Variants in PPP6R2 observed in about 807,000 individuals in gnomAD.
PPP6R2 encodes serine/threonine-protein phosphatase 6 regulatory subunit 2.
A neutral mutation model predicts 100.2 loss-of-function variants in PPP6R2; 62 were observed. The observed-to-expected ratio is 0.62, with a 90% confidence interval of 0.50 to 0.76. The LOEUF is 0.76. PPP6R2 is among the 30% of genes least tolerant of loss of function. PPP6R2 has a pLI of 0.00. For synonymous variants in PPP6R2, 525 were observed against 514.7 expected, an observed-to-expected ratio of 1.02 and a Z score of -0.27; for missense variants, 1,142 against 1,276.3, an observed-to-expected ratio of 0.89 and a Z score of 1.60.
At chr22:50,437,962 C>A in intron 17 of PPP6R2, 62 bp downstream of exon 17, 1 of 1,561,676 alleles carries the variant, frequency 6.4e-7, no homozygotes, top group South Asian at 1.1e-5. Flanking sequence ...AGGCCATGCC[C>A]ATGGCTCGGT....
chr22:50,427,732 GTTT>G (rs140946646), intron 10 of PPP6R2, among the ~76,000 whole-genome samples: 1 of 147,758 alleles, frequency 6.8e-6, no homozygotes, highest in African/African-American at 2.5e-5. Flanking sequence ...GTTTTGTTTT[GTTT>G]TTTTTGAGAC....
chr22:50,353,720 TG>T (rs1220371550), intron 1 of PPP6R2, among the ~76,000 whole-genome samples: 3 of 152,058 alleles, frequency 2.0e-5, no homozygotes, highest in Non-Finnish European at 4.4e-5. Flanking sequence ...ACGCCTGTGT[TG>T]TTTTCCATTT....
Position 50,371,705 on chromosome 22 carries a change from T to G in PPP6R2, c.-147-315T>G, listed in dbSNP as rs533805398. Among the ~76,000 whole-genome samples the G allele has an allele frequency of 1.4e-4, 21 of 152,222 alleles. No individual in the cohort carries two copies. The South Asian group carries it at 1.9e-3, about 14-fold the overall frequency. ...CCCAGGCTGGAGTGCAGTGGCATGA[T>G]CTCAGCTCACTGCAACCTCTGCCTC... On this transcript the variant is annotated intron_variant, in intron 1 of 23. Coordinates refer to ENST00000612753, the MANE Select transcript of PPP6R2 (RefSeq NM_001242898.2).
chr22:50,434,415 G>A (rs2063744562), intron 12 of PPP6R2, among the ~76,000 whole-genome samples: 1 of 78,032 alleles, frequency 1.3e-5, no homozygotes, highest in Admixed American at 1.2e-4. Context: ...CGGGGGCGCG[G>A]ACGCTGGGCA....
At chr22:50,354,235 G>A (rs760712788) in intron 1 of PPP6R2, among the ~76,000 whole-genome samples, 24 of 152,166 alleles carry the variant, frequency 1.6e-4, no homozygotes, top group Non-Finnish European at 3.1e-4. Flanking sequence ...AACCCAGAAG[G>A]TGGAGATTGT....
chr22:50,402,257 C>T lies in PPP6R2; in HGVS notation c.228-4432C>T, dbSNP rs1361713347. Among the ~76,000 whole-genome samples the T allele has an allele frequency of 2.6e-5, 4 of 152,020 alleles. No homozygotes were observed. The East Asian group carries it at 7.7e-4, about 29-fold the overall frequency. ...TTCCCAGAAAAGAATCCTTCTAGCT[C>T]TCCCCTGTGGGGAATGGACCTGTCA... On this transcript the variant is annotated intron_variant, in intron 3 of 23. Coordinates refer to ENST00000612753, the MANE Select transcript of PPP6R2 (RefSeq NM_001242898.2).
chr22:50,370,498 A>T (rs775457274), intron 1 of PPP6R2, among the ~76,000 whole-genome samples: 2 of 151,542 alleles, frequency 1.3e-5, no homozygotes, highest in Admixed American at 6.6e-5. Context: ...TATGTTGGCC[A>T]GACTGGTCTC....
At chr22:50,360,497 G>A (rs1294830944) in intron 1 of PPP6R2, among the ~76,000 whole-genome samples, 2 of 151,972 alleles carry the variant, frequency 1.3e-5, no homozygotes, top group Non-Finnish European at 2.9e-5. Flanking sequence ...TGAGTTGCTA[G>A]GACTGCAAGT....
chr22:50,436,997 C>G lies in PPP6R2; in HGVS notation c.1612C>G (p.His538Asp). Residue 538 changes from histidine to aspartate, a missense_variant, in exon 15 of 24, where the codon CAC (histidine) becomes GAC (aspartate). Around this residue, in one of 2 missense-constraint regions of PPP6R2, gnomAD observed 592 missense variants for 758.9 expected, o/e 0.78. Coordinates refer to ENST00000612753, the MANE Select transcript of PPP6R2 (RefSeq NM_001242898.2). ...RRNTVDLVST[H>D]HLHSSSEDED... Reference sequence around the variant, plus strand: ...CTGGCCTGTGTTTTAGGTGAGCACTCACCACCTTCACTCCTCAAGTGAGGA... The same window carrying G: ...CTGGCCTGTGTTTTAGGTGAGCACTGACCACCTTCACTCCTCAAGTGAGGA... 1 of 1,556,846 alleles carries G rather than the reference C, an allele frequency of 6.4e-7. No individual in the cohort carries two copies. Among genetic ancestry groups the G allele is most frequent in the Non-Finnish European group, 8.7e-7 (1 of 1,150,306 alleles).
chr22:50,428,027 A>G (rs937178115), intron 10 of PPP6R2, among the ~76,000 whole-genome samples: 2 of 149,664 alleles, frequency 1.3e-5, no homozygotes, highest in Non-Finnish European at 3.0e-5. Context: ...GCCAATTTTT[A>G]TATTTTTAGT....
chr22:50,403,333 C>G (rs531327328), intron 3 of PPP6R2, among the ~76,000 whole-genome samples: 4 of 152,352 alleles, frequency 2.6e-5, no homozygotes, highest in African/African-American at 9.6e-5. Context: ...CTTCCTCCCC[C>G]TGCCCAGCTC....
chr22:50,410,378 T>A (rs767133304), intron 4 of PPP6R2, among the ~76,000 whole-genome samples: 1 of 152,184 alleles, frequency 6.6e-6, no homozygotes, highest in East Asian at 1.9e-4. Context: ...TTCTCAGAAA[T>A]ACACTGCAGT....
chr22:50,380,317 C>T (rs1940206976), intron 2 of PPP6R2, among the ~76,000 whole-genome samples: 1 of 151,622 alleles, frequency 6.6e-6, no homozygotes, highest in South Asian at 2.1e-4. Flanking sequence ...GTGATCCACC[C>T]GCCTCAGCCT....
chr22:50,337,511 GGGGT>G, the PPP6R2 span, among the ~76,000 whole-genome samples: 2 of 143,748 alleles, frequency 1.4e-5, no homozygotes, highest in Non-Finnish European at 3.0e-5. Context: ...TGCGGTGTGT[GGGGT>G]GTGTGCGTGT....
At chr22:50,374,930 A>AG (rs1555990005) in intron 2 of PPP6R2, among the ~76,000 whole-genome samples, 1 of 150,374 alleles carries the variant, frequency 6.7e-6, no homozygotes, top group Non-Finnish European at 1.5e-5. Context: ...AAAAAAAAAA[A>AG]AGAGAAAAAG....
rs557254873 is a variant in PPP6R2, at chr22:50,363,347, G to T, written c.-147-8673G>T. 2.1e-4 allele frequency among the ~76,000 whole-genome samples: 32 copies of T among 152,332 alleles called. No individual in the cohort carries two copies. The East Asian group carries it at 6.2e-3, about 29-fold the overall frequency. On this transcript the variant is annotated intron_variant, in intron 1 of 23. Transcript: ENST00000612753. ...ATGTGGCAGGAGAATCAGCAGTCGGGTGACTGGGCACTTCTCCATTGCCAC... is the reference window on the plus strand; with the variant it reads ...ATGTGGCAGGAGAATCAGCAGTCGGTTGACTGGGCACTTCTCCATTGCCAC...
chr22:50,407,000 C>T (rs555824668), intron 4 of PPP6R2, 125 bp downstream of exon 4: 15 of 961,060 alleles, frequency 1.6e-5, no homozygotes, highest in East Asian at 7.2e-5. Context: ...GACTCTTCTG[C>T]GCAACACGTG....
At chr22:50,394,900 T>G in intron 3 of PPP6R2, among the ~76,000 whole-genome samples, 4 of 121,412 alleles carry the variant, frequency 3.3e-5, no homozygotes, top group Admixed American at 1.0e-4. Context: ...GGTGACAGAG[T>G]GTGACTCTGT....
At chr22:50,422,158 A>T in intron 8 of PPP6R2, 96 bp from the exon 9 acceptor site, 1 of 1,491,052 alleles carries the variant, frequency 6.7e-7, no homozygotes, top group Non-Finnish European at 9.1e-7. Flanking sequence ...GAAAGTTAAA[A>T]GGGCTCTTTC....
Sources: allele counts gnomAD v4.1 joint callset (sites outside exome capture counted in the v4.1 genomes callset), GRCh38; gene constraint gnomAD v4.1.1; regional missense constraint gnomAD v4.1.1; transcripts MANE v1.5; gene names NCBI Gene and HGNC (gene_info 2026-07-23, HGNC 2026-07-21).